Variants in TAS2R1 observed in about 807,000 individuals in gnomAD.
TAS2R1 encodes the protein taste receptor type 2 member 1.
For synonymous variants in TAS2R1, 141 were observed against 134.2 expected, an observed-to-expected ratio of 1.05 and a Z score of -0.35; for missense variants, 370 against 353.4, an observed-to-expected ratio of 1.05 and a Z score of -0.38.
chr5:9,647,406 C>G (rs923227286), intron 2 of TAS2R1, among the ~76,000 whole-genome samples: 13 of 152,114 alleles, frequency 8.5e-5, no homozygotes, highest in Non-Finnish European at 1.6e-4. Flanking sequence ...TGTTATCACC[C>G]CAAGGCAAGG....
chr5:9,780,246 G>C, the TAS2R1 span, among the ~76,000 whole-genome samples: 1 of 152,156 alleles, frequency 6.6e-6, no homozygotes, highest in Admixed American at 6.5e-5. Flanking sequence ...AGATTTCTTT[G>C]CTGGACTCTT....
chr5:9,678,298 T>G (rs1226280893), intron 1 of TAS2R1, among the ~76,000 whole-genome samples: 12 of 152,146 alleles, frequency 7.9e-5, no homozygotes, highest in Admixed American at 5.9e-4. Context: ...CTGGTGAGTT[T>G]GCAGAGAAAA....
At position 9,628,342 on chromosome 5, in the gene TAS2R1, G is replaced by T. The variant is rs1325150200; in HGVS notation, c.*791C>A. ...TGGGTTGAAAGGGTCTCAAAGTCAG[G>T]CACACAAATACAAAATAAAACATCT... On this transcript the variant is annotated 3_prime_UTR_variant, in exon 1 of 1. Coordinates refer to ENST00000382492, the MANE Select transcript of TAS2R1 (RefSeq NM_019599.3). 6.6e-6 allele frequency among the ~76,000 whole-genome samples: 1 copy of T among 152,040 alleles called. No individual in the cohort carries two copies. Among genetic ancestry groups the T allele is most frequent in the African/African-American group, 2.4e-5 (1 of 41,388 alleles).
At chr5:9,763,610 G>T in the TAS2R1 span, among the ~76,000 whole-genome samples, 2 of 152,222 alleles carry the variant, frequency 1.3e-5, no homozygotes, top group Admixed American at 1.3e-4. Flanking sequence ...GGAAGTTATT[G>T]TCTACAAATG....
chr5:9,744,936 T>C, the TAS2R1 span, among the ~76,000 whole-genome samples: 2 of 152,180 alleles, frequency 1.3e-5, no homozygotes, highest in East Asian at 3.8e-4. Context: ...GTTTAAAACA[T>C]AAATTTCTGT....
chr5:9,783,442 T>A, the TAS2R1 span, among the ~76,000 whole-genome samples: 1 of 152,324 alleles, frequency 6.6e-6, no homozygotes, highest in Middle Eastern at 3.4e-3. Context: ...CAGAACCAGA[T>A]GGCTTCAAGA....
intron 1 of TAS2R1, among the ~76,000 whole-genome samples, chr5:9,662,542 C>T (rs1203699724): frequency 2.6e-5 from 4 of 152,146 alleles, no homozygotes; most frequent in Non-Finnish European, 5.9e-5. Flanking sequence ...CTAACTCCAG[C>T]GGAGTTGGAG....
the TAS2R1 span, among the ~76,000 whole-genome samples, chr5:9,730,613 G>A: frequency 2.0e-5 from 3 of 152,122 alleles, no homozygotes; most frequent in Non-Finnish European, 2.9e-5. Flanking sequence ...AGACACTTAG[G>A]GGGTCTCTGC....
the TAS2R1 span, among the ~76,000 whole-genome samples, chr5:9,880,421 C>T: frequency 2.6e-5 from 4 of 152,172 alleles, no homozygotes; most frequent in Non-Finnish European, 5.9e-5. Flanking sequence ...AACCTAAGTA[C>T]AGTTAAACCT....
the TAS2R1 span, among the ~76,000 whole-genome samples, chr5:9,787,974 T>C: frequency 1.1e-4 from 17 of 152,288 alleles, no homozygotes; most frequent in East Asian, 2.3e-3. Context: ...TCAAGCTCAA[T>C]GTGGCACAAT....
chr5:9,876,188 GGAAGCTGACCCCT>G, the TAS2R1 span, among the ~76,000 whole-genome samples: 1 of 151,496 alleles, frequency 6.6e-6, no homozygotes, highest in Non-Finnish European at 1.5e-5. Context: ...ACATGTTTCA[GGAAGCTGACCCCT>G]GACAACAAAT....
At chr5:9,670,715 A>T (rs1025635631) in intron 1 of TAS2R1, among the ~76,000 whole-genome samples, 1 of 152,230 alleles carries the variant, frequency 6.6e-6, no homozygotes, top group African/African-American at 2.4e-5. Context: ...CAGATGTATA[A>T]CGAAGAGCTG....
chr5:9,649,807 C>T (rs1740265736), intron 2 of TAS2R1, among the ~76,000 whole-genome samples: 1 of 152,148 alleles, frequency 6.6e-6, no homozygotes, highest in African/African-American at 2.4e-5. Context: ...AAGTTAGATT[C>T]ATGACAAACA....
At chr5:9,735,093 G>A in the TAS2R1 span, among the ~76,000 whole-genome samples, 233 of 151,406 alleles carry the variant, frequency 1.5e-3, 10 homozygotes, top group African/African-American at 5.3e-3. Flanking sequence ...TGACAGGAGA[G>A]AGCGAGCAAG....
In TAS2R1 at chr5:9,629,342, G is replaced by A; in HGVS notation, c.691C>T (p.Leu231=). 3.1e-6 allele frequency: 5 copies of A among 1,613,920 alleles called. No homozygotes were observed. Among genetic ancestry groups the A allele is most frequent in the South Asian group, 1.1e-5 (1 of 91,040 alleles). ...GAPISALLSI[L]SFLILYFSHC... The stretch of plus-strand genomic sequence containing the variant: ...GAGAAGTAGAGGATCAGGAAGGACA[G>A]GATAGACAGCAACGCGCTGATGGGT... The change falls in exon 1 of 1, where the codon CTG becomes TTG. Residue 231 remains leucine (L), a synonymous_variant. Transcript: ENST00000382492.
chr5:9,703,520 T>A lies in TAS2R1; in HGVS notation c.-242+8652A>T, dbSNP rs148451769. 5.9e-3 allele frequency among the ~76,000 whole-genome samples: 899 copies of A among 152,196 alleles called. 9 individuals carry two copies. The highest frequency in any genetic ancestry group is 4.5e-3 in the Non-Finnish European group (309 of 67,990). ...GGCCACATGGAGAGAAGAGGGGGAC[T>A]GTACCTGCACAGGGGCTCCAACAAC... On this transcript the variant is annotated intron_variant, in intron 1 of 2. Transcript: ENST00000506620.
the TAS2R1 span, among the ~76,000 whole-genome samples, chr5:9,839,766 G>A: frequency 2.6e-5 from 4 of 151,810 alleles, no homozygotes; most frequent in African/African-American, 7.3e-5. Context: ...GTAAACACAC[G>A]TCTTTTTTTT....
intron 1 of TAS2R1, among the ~76,000 whole-genome samples, chr5:9,702,206 A>G (rs1391547972): frequency 6.6e-6 from 1 of 152,232 alleles, no homozygotes. Flanking sequence ...ACAATTTTGC[A>G]TGTGTGGGTG....
the TAS2R1 span, among the ~76,000 whole-genome samples, chr5:9,757,908 A>AT: frequency 1.4e-5 from 2 of 139,994 alleles, no homozygotes; most frequent in Non-Finnish European, 3.3e-5. Context: ...AGTTTAGGCT[A>AT]TTTTTTTCAT....
Sources: gnomAD v4.1 joint callset for allele counts (sites outside exome capture counted in the v4.1 genomes callset) on GRCh38, gnomAD v4.1.1 for gene constraint, MANE v1.5 for transcripts, NCBI Gene and HGNC (gene_info 2026-07-23, HGNC 2026-07-21) for gene names.